Variants in TOM1L1 observed in about 807,000 individuals in gnomAD.
TOM1L1 encodes TOM1-like protein 1.
In TOM1L1, 64 loss-of-function variants were observed where a neutral mutation model predicts 63.4. The ratio of observed to expected loss-of-function variants is 1.01; its 90% CI spans 0.83 to 1.24. The LOEUF is 1.24. TOM1L1 is among the 50% of genes most tolerant of loss of function. TOM1L1 has a pLI of 0.00. For missense variants in TOM1L1, 536 were observed against 567.0 expected (o/e 0.95, Z 0.55); for synonymous variants, 166 against 194.4 (o/e 0.85, Z 1.22).
At chr17:54,926,156 A>T (rs562559782) in intron 7 of TOM1L1, among the ~76,000 whole-genome samples, 1 of 152,316 alleles carries the variant, frequency 6.6e-6, no homozygotes, top group Non-Finnish European at 1.5e-5. Flanking sequence ...TAGGCAGTAA[A>T]ACCATTTTGT....
At chr17:54,920,611 C>A (rs972844195) in intron 7 of TOM1L1, among the ~76,000 whole-genome samples, 1 of 152,128 alleles carries the variant, frequency 6.6e-6, no homozygotes, top group African/African-American at 2.4e-5. Flanking sequence ...CAGAAGCAAC[C>A]CATACTAACC....
intron 3 of TOM1L1, among the ~76,000 whole-genome samples, chr17:54,905,935 C>T (rs959990101): frequency 2.0e-5 from 3 of 151,862 alleles, no homozygotes; most frequent in South Asian, 2.1e-4. Flanking sequence ...TTTGGGAGGC[C>T]GAGGTGGGAT....
chr17:54,901,043 C>G, intron 1 of TOM1L1, 120 bp downstream of exon 1: 1 of 1,374,232 alleles, frequency 7.3e-7, no homozygotes, highest in Non-Finnish European at 1.0e-6. Context: ...TTATTCCCCT[C>G]CCCCCGCAAC....
chr17:54,937,331 T>C lies in TOM1L1; in HGVS notation c.1033+105T>C, dbSNP rs574250062. 17 of 935,254 alleles carry C rather than the reference T, an allele frequency of 1.8e-5. 1 individual carries two copies. The South Asian group carries it at 1.9e-4, about 11-fold the overall frequency. 57.9% of individuals were successfully genotyped at this position (935,254 alleles called of 1,614,324 possible). A position where few individuals can be genotyped will look rare whatever the true frequency, so the allele number is the denominator to read the frequency against. On this transcript the variant is annotated intron_variant, in intron 10 of 15. Transcript: ENST00000575882. ...CCACCTAAGAAGGACTGAAGTCAGG[T>C]TGAATGTCAGAGCGCTATGTTAGGA...
intron 14 of TOM1L1, chr17:54,953,086 ACT>A (rs149387797): frequency 6.6e-6 from 1 of 152,342 alleles, no homozygotes; most frequent in African/African-American, 2.4e-5. Context: ...TTGATCAAAA[ACT>A]CAGCTGGTGG....
chr17:54,943,346 TTC>T (rs2049061386), intron 11 of TOM1L1, among the ~76,000 whole-genome samples: 1 of 152,040 alleles, frequency 6.6e-6, no homozygotes, highest in South Asian at 2.1e-4. Flanking sequence ...GTTCCTTTTT[TTC>T]TGTTTCCTTT....
intron 3 of TOM1L1, among the ~76,000 whole-genome samples, chr17:54,910,544 G>GT (rs1241132065): frequency 6.6e-5 from 10 of 152,300 alleles, no homozygotes; most frequent in African/African-American, 2.4e-4. Flanking sequence ...AGGTATTTGC[G>GT]TAAGACGGTA....
intron 8 of TOM1L1, among the ~76,000 whole-genome samples, chr17:54,935,412 T>A (rs1436374774): frequency 1.3e-5 from 2 of 152,200 alleles, no homozygotes; most frequent in Non-Finnish European, 2.9e-5. Flanking sequence ...GATGTATACC[T>A]GCAGGCTTGG....
chr17:54,915,725 T>G, intron 6 of TOM1L1, 21 bp from the exon 7 acceptor site: 1 of 1,521,920 alleles, frequency 6.6e-7, no homozygotes, highest in Non-Finnish European at 8.9e-7. Context: ...CACTGACTGG[T>G]GATTGTGTTG....
intron 14 of TOM1L1, chr17:54,955,152 C>T (rs1423347060): frequency 2.0e-5 from 3 of 152,214 alleles, no homozygotes; most frequent in Non-Finnish European, 4.4e-5. Flanking sequence ...AGCTTGAATA[C>T]TTCTGGTCCT....
intron 11 of TOM1L1, among the ~76,000 whole-genome samples, chr17:54,945,080 T>G (rs571334402): frequency 2.0e-5 from 3 of 152,306 alleles, no homozygotes; most frequent in South Asian, 2.1e-4. Flanking sequence ...TCTTCCAGAT[T>G]CCAATGACTT....
intron 7 of TOM1L1, chr17:54,916,506 C>T (rs373182837): frequency 3.9e-5 from 6 of 152,170 alleles, no homozygotes; most frequent in African/African-American, 1.4e-4. Context: ...TTTCCCTCTA[C>T]CAGTTTGCTC....
At position 54,937,175 on chromosome 17, in the gene TOM1L1, A is replaced by T; in HGVS notation, c.982A>T (p.Arg328Trp). 1 of 1,613,556 alleles carries T rather than the reference A, an allele frequency of 6.2e-7. No homozygotes were observed. Among genetic ancestry groups the T allele is most frequent in the Non-Finnish European group, 8.5e-7 (1 of 1,179,962 alleles). Reference sequence around the variant, plus strand: ...CCTAAGTCCCAGTCCCCGGATGCCTAGGGCCACTCTGGGAGAACTCAACAC... The same window carrying T: ...CCTAAGTCCCAGTCCCCGGATGCCTTGGGCCACTCTGGGAGAACTCAACAC... Reference protein sequence around the residue: ...LDLSPSPRMPRATLGELNTMN... With the variant: ...LDLSPSPRMPWATLGELNTMN... Residue 328 changes from arginine (R) to tryptophan (W), a missense_variant, in exon 10 of 16, where the codon AGG becomes TGG. By Grantham distance (101) the Arg-to-Trp change is moderately radical. Transcript: ENST00000575882.
intron 7 of TOM1L1, among the ~76,000 whole-genome samples, chr17:54,928,259 G>T (rs963689119): frequency 3.3e-5 from 5 of 151,788 alleles, no homozygotes; most frequent in African/African-American, 1.2e-4. Context: ...ATTTACTACC[G>T]ACTACCTCTG....
intron 12 of TOM1L1, among the ~76,000 whole-genome samples, chr17:54,949,203 A>ATTTTTT (rs58407367): frequency 1.6e-4 from 20 of 122,276 alleles, no homozygotes; most frequent in African/African-American, 3.2e-4. Context: ...ATGCCCAGCT[A>ATTTTTT]TTTTTTTTTT....
At chr17:54,937,263 GA>G (rs752343981) in intron 10 of TOM1L1, 37 bp downstream of exon 10, 36 of 1,464,094 alleles carry the variant, frequency 2.5e-5, no homozygotes, top group Non-Finnish European at 3.3e-5. Flanking sequence ...ACCAGCAGAA[GA>G]GCTTGATGTT....
intron 8 of TOM1L1, among the ~76,000 whole-genome samples, chr17:54,933,385 A>G (rs1389267281): frequency 6.6e-6 from 1 of 152,226 alleles, no homozygotes; most frequent in Admixed American, 6.5e-5. Context: ...CAGCTTACTA[A>G]TGTGAACCAA....
At chr17:54,909,893 A>G (rs2048470034) in intron 3 of TOM1L1, among the ~76,000 whole-genome samples, 1 of 152,228 alleles carries the variant, frequency 6.6e-6, no homozygotes, top group Non-Finnish European at 1.5e-5. Context: ...GTGAAAACAT[A>G]TTTAATTTTT....
intron 11 of TOM1L1, among the ~76,000 whole-genome samples, chr17:54,944,375 A>T (rs1021323991): frequency 1.3e-5 from 2 of 151,406 alleles, no homozygotes; most frequent in African/African-American, 4.8e-5. Flanking sequence ...GACTGAACCC[A>T]GGAGGCGGAG....
Sources: gnomAD v4.1 joint callset for allele counts (sites outside exome capture counted in the v4.1 genomes callset) on GRCh38, gnomAD v4.1.1 for gene constraint, MANE v1.5 for transcripts, NCBI Gene and HGNC (gene_info 2026-07-23, HGNC 2026-07-21) for gene names.